The following CENPC variants were observed in gnomAD, a reference collection of about 807,000 sequenced individuals.
The protein encoded by CENPC is centromere protein C, also known as CENP-C 1.
A neutral mutation model predicts 112.1 loss-of-function variants in CENPC; 63 were observed. The observed-to-expected ratio is 0.56, with a 90% CI of 0.46 to 0.69. CENPC has a LOEUF of 0.69. Ranked by LOEUF, CENPC falls within the 30% of genes least tolerant of loss-of-function variation. The pLI, the probability that CENPC is intolerant of heterozygous loss-of-function variation, is 0.00. For synonymous variants in CENPC, 333 were observed against 367.6 expected (o/e 0.91, Z 1.08); for missense variants, 1,000 against 1,103.8 (o/e 0.91, Z 1.33).
rs565809578 is a variant in CENPC, at chr4:67,471,945, A to G, written c.*660T>C. ...CTAAATAGATGTCATGCCAACACAG[A>G]CACACAAGGTGAGAATACCATGTGA... is the stretch of plus-strand genomic sequence containing the variant. On this transcript the variant is annotated 3_prime_UTR_variant, in exon 19 of 19. Coordinates refer to ENST00000273853, the MANE Select transcript of CENPC (RefSeq NM_001812.4). The G allele has an allele frequency of 3.3e-5, 5 of 152,378 alleles. No homozygotes were observed. The highest frequency in any genetic ancestry group is 1.3e-4 in the Admixed American group (2 of 15,306). The allele number at this position is 152,378 out of a possible 1,614,324, so 9.4% of individuals were successfully genotyped here.
At chr4:67,508,689 A>G in intron 10 of CENPC, 125 bp downstream of exon 10, 1 of 818,630 alleles carries the variant, frequency 1.2e-6, no homozygotes, top group Non-Finnish European at 1.9e-6. Context: ...TGGATTTAAT[A>G]CCAGGTATGT....
intron 12 of CENPC, 79 bp downstream of exon 12, chr4:67,505,126 A>C: frequency 1.0e-6 from 1 of 990,136 alleles, no homozygotes; most frequent in Admixed American, 2.6e-5. Context: ...ATCAGTGACA[A>C]TGTAAACAAA....
chr4:67,490,833 AATAAATATAT>A (rs1255241443), intron 16 of CENPC, among the ~76,000 whole-genome samples: 7 of 104,542 alleles, frequency 6.7e-5, no homozygotes, highest in Admixed American at 3.5e-4. Context: ...ATGATATAGA[AATAAATATAT>A]ATATATATAT....
At chr4:67,504,785 G>A (rs1577986418) in intron 12 of CENPC, among the ~76,000 whole-genome samples, 1 of 151,936 alleles carries the variant, frequency 6.6e-6, no homozygotes, top group East Asian at 1.9e-4. Context: ...TTGCACCACT[G>A]CACTCCAGCC....
intron 9 of CENPC, chr4:67,512,087 G>A (rs1725907401): frequency 5.0e-6 from 1 of 198,724 alleles, no homozygotes; most frequent in Non-Finnish European, 9.9e-6. Context: ...ATCAATCTTT[G>A]TATCCCTCAC....
At chr4:67,474,748 A>G (rs1724757960) in intron 18 of CENPC, 140 bp downstream of exon 18, 1 of 655,670 alleles carries the variant, frequency 1.5e-6, no homozygotes. Flanking sequence ...CCTAATGATC[A>G]AATGAAAGGA....
In CENPC at chr4:67,488,665, C is replaced by T. The variant is rs575791422; in HGVS notation, c.2670+1302G>A. On this transcript the variant is annotated intron_variant, in intron 17 of 18. Coordinates refer to ENST00000273853, the MANE Select transcript of CENPC (RefSeq NM_001812.4). Reference sequence around the variant, plus strand: ...GGCATTACAGTTTAATAGGTAACTGCTATTACTTCAGTGATGATAATTCAT... The same window carrying T: ...GGCATTACAGTTTAATAGGTAACTGTTATTACTTCAGTGATGATAATTCAT... 3.9e-5 allele frequency among the ~76,000 whole-genome samples: 6 copies of T among 152,062 alleles called. No individual in the cohort carries two copies. The East Asian group carries it at 1.2e-3, about 29-fold the overall frequency.
chr4:67,499,508 T>A (rs1292552920), intron 12 of CENPC, among the ~76,000 whole-genome samples: 1 of 152,216 alleles, frequency 6.6e-6, no homozygotes, highest in Non-Finnish European at 1.5e-5. Flanking sequence ...AGCTTCAAAC[T>A]TTTCTTCTGC....
chr4:67,519,432 T>C lies in CENPC; in HGVS notation c.402A>G (p.Lys134=). 1 of 1,611,346 alleles carries C rather than the reference T, an allele frequency of 6.2e-7. No individual in the cohort carries two copies. The highest frequency in any genetic ancestry group is 8.5e-7 in the Non-Finnish European group (1 of 1,178,184). ...CATTTATGTTTCTACTTGATATTTT[T>C]TTCGAGTCAGGTGTATTTTTGGAAC... ...DVSSKNTPDS[K]KISSRNINDH... Residue 134 remains lysine, a synonymous_variant, in exon 6 of 19, where the codon AAA becomes AAG. Transcript: ENST00000273853.
intron 18 of CENPC, 79 bp from the exon 19 acceptor site, chr4:67,472,754 G>A (rs1357580344): frequency 2.3e-6 from 3 of 1,322,192 alleles, no homozygotes; most frequent in Non-Finnish European, 2.9e-6. Flanking sequence ...GTCATCACCT[G>A]ACAGTTGTAG....
chr4:67,492,623 G>A lies in CENPC; in HGVS notation c.2419+246C>T, dbSNP rs1221420631. 1.7e-5 allele frequency: 9 copies of A among 535,810 alleles called. No homozygotes were observed. In the East Asian group the frequency reaches 2.2e-4, roughly 13 times the overall value. The allele number at this position is 535,810 out of a possible 1,614,324, so 33.2% of individuals were successfully genotyped here. ...TTAACCATAGCTTGGGCATAGGAAT[G>A]GTGGGTTTCATTTGACTGGGAAATT... On this transcript the variant is annotated intron_variant, in intron 15 of 18. Transcript: ENST00000273853.
intron 8 of CENPC, among the ~76,000 whole-genome samples, 166 bp from the exon 9 acceptor site, chr4:67,512,735 T>C (rs1318056606): frequency 2.0e-5 from 3 of 152,158 alleles, no homozygotes; most frequent in Admixed American, 6.6e-5. Flanking sequence ...GTCAATTATA[T>C]GTGCTGCTGA....
At chr4:67,502,218 A>C (rs1226436497) in intron 12 of CENPC, among the ~76,000 whole-genome samples, 1 of 152,148 alleles carries the variant, frequency 6.6e-6, no homozygotes, top group Non-Finnish European at 1.5e-5. Flanking sequence ...CCTTGCTAGA[A>C]TATGTGAGAA....
At chr4:67,473,958 G>T (rs187631625) in intron 18 of CENPC, among the ~76,000 whole-genome samples, 1 of 152,264 alleles carries the variant, frequency 6.6e-6, no homozygotes, top group African/African-American at 2.4e-5. Flanking sequence ...TACCATTCTT[G>T]AAACAGTTTA....
intron 5 of CENPC, among the ~76,000 whole-genome samples, chr4:67,529,781 C>T (rs1288592714): frequency 6.6e-6 from 1 of 151,978 alleles, no homozygotes; most frequent in African/African-American, 2.4e-5. Flanking sequence ...AAACTAAAAG[C>T]TCATAGAAAG....
intron 11 of CENPC, among the ~76,000 whole-genome samples, chr4:67,506,054 C>A (rs1018972878): frequency 6.6e-6 from 1 of 152,108 alleles, no homozygotes; most frequent in Admixed American, 6.6e-5. Flanking sequence ...CCAGGATAAG[C>A]CTAGTCATAA....
intron 17 of CENPC, among the ~76,000 whole-genome samples, chr4:67,487,830 T>C (rs1199510215): frequency 2.0e-5 from 3 of 151,774 alleles, no homozygotes; most frequent in Non-Finnish European, 4.4e-5. Context: ...AACCTACTAC[T>C]CTTCTCTTTT....
intron 8 of CENPC, among the ~76,000 whole-genome samples, chr4:67,512,802 A>T (rs1394094367): frequency 6.6e-6 from 1 of 152,086 alleles, no homozygotes; most frequent in African/African-American, 2.4e-5. Flanking sequence ...TAACTCTTAT[A>T]TACTCCTCAG....
chr4:67,528,963 G>A (rs191520827), intron 5 of CENPC, among the ~76,000 whole-genome samples: 156 of 152,174 alleles, frequency 1.0e-3, no homozygotes, highest in African/African-American at 3.4e-3. Context: ...TAATTTATCC[G>A]TATCTTCAAC....
Sources: allele counts gnomAD v4.1 joint callset (sites outside exome capture counted in the v4.1 genomes callset), GRCh38; gene constraint gnomAD v4.1.1; transcripts MANE v1.5; gene names NCBI Gene and HGNC (gene_info 2026-07-23, HGNC 2026-07-21).